Variants in CDH18 observed in about 807,000 individuals in gnomAD.
CDH18 encodes the protein cadherin-18.
A neutral mutation model predicts 67.9 loss-of-function variants in CDH18; 31 were observed. That is an observed-to-expected ratio of 0.46 (90% CI 0.34 to 0.62). CDH18 has a LOEUF of 0.62. Among genes scored for constraint, CDH18 ranks in the 20% least tolerant of loss-of-function variants. The pLI is 0.01. For synonymous variants in CDH18, 362 were observed against 347.2 expected (o/e 1.04, Z -0.48); for missense variants, 890 against 975.5 (o/e 0.91, Z 1.17).
At chr5:20,395,105 A>G (rs1745181214) in intron 1 of CDH18, among the ~76,000 whole-genome samples, 1 of 152,156 alleles carries the variant, frequency 6.6e-6, no homozygotes, top group Non-Finnish European at 1.5e-5. Context: ...TACCCAAAGG[A>G]AAATAAGTCA....
chr5:20,242,596 GAA>G (rs376279568), intron 2 of CDH18, among the ~76,000 whole-genome samples: 16 of 77,808 alleles, frequency 2.1e-4, no homozygotes, highest in Admixed American at 6.1e-4. Flanking sequence ...TTCATTGAGG[GAA>G]AAAAAAAAAA....
intron 1 of CDH18, among the ~76,000 whole-genome samples, chr5:20,374,812 C>A (rs1266098370): frequency 6.6e-6 from 1 of 152,034 alleles, no homozygotes; most frequent in South Asian, 2.1e-4. Flanking sequence ...CAAAGCAAAA[C>A]TGATGGCAAT....
chr5:19,842,239 G>A (rs949570931), intron 2 of CDH18, among the ~76,000 whole-genome samples: 4 of 152,114 alleles, frequency 2.6e-5, no homozygotes, highest in Non-Finnish European at 4.4e-5. Context: ...TAGTCACTTA[G>A]GCACCAATAT....
intron 1 of CDH18, among the ~76,000 whole-genome samples, chr5:20,285,170 G>A (rs1195693905): frequency 6.6e-6 from 1 of 151,340 alleles, no homozygotes; most frequent in Admixed American, 6.6e-5. Context: ...CATAATTAAT[G>A]TGAAGTAATC....
intron 1 of CDH18, among the ~76,000 whole-genome samples, chr5:20,281,363 C>A (rs1746258444): frequency 6.6e-6 from 1 of 152,106 alleles, no homozygotes; most frequent in Admixed American, 6.5e-5. Context: ...AGTCTTTAAT[C>A]CATCTTGAAT....
intron 2 of CDH18, among the ~76,000 whole-genome samples, chr5:20,056,156 C>G (rs1420514219): frequency 6.6e-6 from 1 of 151,178 alleles, no homozygotes; most frequent in Non-Finnish European, 1.5e-5. Flanking sequence ...AGGCGCCCAC[C>G]ACTATGCCTT....
chr5:20,381,425 G>T (rs1218190955), intron 1 of CDH18, among the ~76,000 whole-genome samples: 2 of 152,002 alleles, frequency 1.3e-5, no homozygotes, highest in Non-Finnish European at 2.9e-5. Flanking sequence ...ATAGAAAGAT[G>T]GAAGGGTCAT....
At chr5:19,962,347 C>A (rs1420509660) in intron 2 of CDH18, among the ~76,000 whole-genome samples, 1 of 97,974 alleles carries the variant, frequency 1.0e-5, no homozygotes, top group African/African-American at 3.7e-5. Flanking sequence ...CCAGTGATTA[C>A]TTCGTAATTT....
chr5:20,553,054 A>G (rs1757724914), intron 1 of CDH18, among the ~76,000 whole-genome samples: 3 of 152,096 alleles, frequency 2.0e-5, no homozygotes, highest in Admixed American at 6.6e-5. Flanking sequence ...TGCCTGGCTT[A>G]TCTTAGGATT....
intron 9 of CDH18, among the ~76,000 whole-genome samples, chr5:19,529,818 T>C (rs1748308793): frequency 6.6e-6 from 1 of 152,154 alleles, no homozygotes; most frequent in African/African-American, 2.4e-5. Flanking sequence ...AAACATACTG[T>C]GTTTACTCAT....
intron 2 of CDH18, among the ~76,000 whole-genome samples, chr5:19,903,527 C>A (rs1168890519): frequency 1.4e-5 from 1 of 70,910 alleles, no homozygotes; most frequent in Non-Finnish European, 2.9e-5. Context: ...AAAATAATGA[C>A]TCTGTGTGTG....
chr5:19,755,146 G>C (rs552796763), intron 3 of CDH18, among the ~76,000 whole-genome samples: 1 of 145,514 alleles, frequency 6.9e-6, no homozygotes, highest in African/African-American at 2.5e-5. Context: ...CAGAAGAAAG[G>C]AAATAACCAA....
chr5:19,511,232 G>T (rs1745069717), intron 10 of CDH18, among the ~76,000 whole-genome samples: 1 of 152,056 alleles, frequency 6.6e-6, no homozygotes, highest in Admixed American at 6.6e-5. Flanking sequence ...GTTTCCTGAG[G>T]CTTCCCTAGC....
chr5:19,745,733 A>G (rs955765570), intron 4 of CDH18, among the ~76,000 whole-genome samples: 1 of 152,004 alleles, frequency 6.6e-6, no homozygotes, highest in Non-Finnish European at 1.5e-5. Flanking sequence ...GTCCAGAGGG[A>G]ACGAGTTTGG....
At position 19,728,885 on chromosome 5, in the gene CDH18, T is replaced by C. The variant is rs1006527036; in HGVS notation, c.524-7419A>G. 2.0e-5 allele frequency among the ~76,000 whole-genome samples: 3 copies of C among 152,288 alleles called. No individual in the cohort carries two copies. In the East Asian group the frequency reaches 5.8e-4, roughly 29 times the overall value. On this transcript the variant is annotated intron_variant, in intron 4 of 12. Coordinates refer to ENST00000382275, the MANE Select transcript of CDH18 (RefSeq NM_004934.5). ...CATGAAAAAGAAATAGTCGTCAAGA[T>C]ACAACTTAAATTTCATTCTATACAG...
At chr5:19,702,460 TCTAA>T (rs1580955247) in intron 5 of CDH18, among the ~76,000 whole-genome samples, 1 of 150,994 alleles carries the variant, frequency 6.6e-6, no homozygotes, top group Non-Finnish European at 1.5e-5. Context: ...CAGCATTCTT[TCTAA>T]CTAACAAAAC....
intron 9 of CDH18, among the ~76,000 whole-genome samples, chr5:19,541,260 T>C (rs1750225763): frequency 6.6e-6 from 1 of 151,616 alleles, no homozygotes; most frequent in Non-Finnish European, 1.5e-5. Flanking sequence ...GTCAAAGCCA[T>C]TCAACAAGTT....
intron 3 of CDH18, among the ~76,000 whole-genome samples, chr5:19,771,487 A>G (rs1773724731): frequency 6.6e-6 from 1 of 152,186 alleles, no homozygotes; most frequent in African/African-American, 2.4e-5. Context: ...ACACACAGGT[A>G]TCTTGGAAGG....
At chr5:19,957,615 C>T (rs1796379185) in intron 2 of CDH18, among the ~76,000 whole-genome samples, 1 of 151,538 alleles carries the variant, frequency 6.6e-6, no homozygotes, top group Admixed American at 6.6e-5. Flanking sequence ...TTTGGGTACA[C>T]TTAGAAATAA....
Sources: gnomAD v4.1 joint callset for allele counts (sites outside exome capture counted in the v4.1 genomes callset) on GRCh38, gnomAD v4.1.1 for gene constraint, MANE v1.5 for transcripts, NCBI Gene and HGNC (gene_info 2026-07-23, HGNC 2026-07-21) for gene names.